Variants in HEMK2 observed in about 807,000 individuals in gnomAD.
HEMK2 encodes methyltransferase HEMK2.
chr21:28,854,764 A>G, the HEMK2 span, among the ~76,000 whole-genome samples: 90 of 152,294 alleles, frequency 5.9e-4, 3 homozygotes, highest in South Asian at 3.1e-3. Flanking sequence ...TCACACTGGC[A>G]GGTGATTAGA....
chr21:28,637,315 T>C, the HEMK2 span, among the ~76,000 whole-genome samples: 1 of 152,202 alleles, frequency 6.6e-6, no homozygotes, highest in Non-Finnish European at 1.5e-5. Context: ...CCAACCTTCA[T>C]TCCTATTGAT....
chr21:28,716,838 A>C, the HEMK2 span, among the ~76,000 whole-genome samples: 1 of 152,156 alleles, frequency 6.6e-6, no homozygotes, highest in African/African-American at 2.4e-5. Context: ...TTTATGAAAA[A>C]GCTTTTCTGT....
the HEMK2 span, among the ~76,000 whole-genome samples, chr21:28,585,712 G>A: frequency 6.6e-6 from 1 of 152,118 alleles, no homozygotes; most frequent in African/African-American, 2.4e-5. Flanking sequence ...AGACATGGAG[G>A]AAAGAGTAAG....
the HEMK2 span, among the ~76,000 whole-genome samples, chr21:28,600,349 A>G: frequency 6.6e-6 from 1 of 152,248 alleles, no homozygotes; most frequent in Admixed American, 6.5e-5. Flanking sequence ...ACCACGTGGA[A>G]GTTGCCAAGG....
At chr21:28,624,651 T>C in the HEMK2 span, among the ~76,000 whole-genome samples, 2 of 152,130 alleles carry the variant, frequency 1.3e-5, no homozygotes, top group Non-Finnish European at 2.9e-5. Flanking sequence ...ATCTAGAGAC[T>C]CTAGAGAAGG....
chr21:28,626,374 G>T, the HEMK2 span, among the ~76,000 whole-genome samples: 2 of 152,074 alleles, frequency 1.3e-5, no homozygotes, highest in South Asian at 2.1e-4. Flanking sequence ...TAACTAAGAA[G>T]TCAATAGAGC....
At chr21:28,684,200 C>T in the HEMK2 span, among the ~76,000 whole-genome samples, 1 of 152,196 alleles carries the variant, frequency 6.6e-6, no homozygotes, top group African/African-American at 2.4e-5. Flanking sequence ...CTACCGTGCA[C>T]ATAATTATTC....
chr21:28,871,156 T>G, the HEMK2 span, among the ~76,000 whole-genome samples: 1 of 152,304 alleles, frequency 6.6e-6, no homozygotes, highest in African/African-American at 2.4e-5. Flanking sequence ...AGTGTAAACC[T>G]TTATCATTCT....
the HEMK2 span, among the ~76,000 whole-genome samples, chr21:28,618,430 A>C: frequency 1.3e-5 from 2 of 152,338 alleles, no homozygotes; most frequent in South Asian, 4.1e-4. Flanking sequence ...CACATAGTTC[A>C]TAGTTTATTT....
At chr21:28,825,679 T>C in the HEMK2 span, among the ~76,000 whole-genome samples, 14 of 152,324 alleles carry the variant, frequency 9.2e-5, no homozygotes, top group South Asian at 2.1e-4. Flanking sequence ...TAAGCAATCA[T>C]TGAGGAGCAC....
the HEMK2 span, among the ~76,000 whole-genome samples, chr21:28,709,308 G>C: frequency 2.0e-5 from 3 of 152,320 alleles, no homozygotes; most frequent in Non-Finnish European, 2.9e-5. Context: ...CAAATTTAGA[G>C]TTGTTTATCA....
At chr21:28,739,422 G>T in the HEMK2 span, among the ~76,000 whole-genome samples, 10 of 152,190 alleles carry the variant, frequency 6.6e-5, no homozygotes, top group African/African-American at 2.4e-4. Context: ...AATATAATAT[G>T]GTATAGATAA....
the HEMK2 span, among the ~76,000 whole-genome samples, chr21:28,683,338 G>T: frequency 1.3e-5 from 2 of 152,134 alleles, no homozygotes; most frequent in Non-Finnish European, 2.9e-5. Context: ...AAAGCAAAAT[G>T]TATGAACGCT....
At chr21:28,815,751 G>A in the HEMK2 span, among the ~76,000 whole-genome samples, 3 of 152,046 alleles carry the variant, frequency 2.0e-5, no homozygotes, top group East Asian at 1.9e-4. Context: ...TCAAAAAATG[G>A]CACCAAGTCC....
At chr21:28,867,924 C>T in the HEMK2 span, among the ~76,000 whole-genome samples, 2 of 152,076 alleles carry the variant, frequency 1.3e-5, no homozygotes, top group African/African-American at 2.4e-5. Context: ...TAAAATTCAA[C>T]CTTTTTATTT....
At chr21:28,851,564 C>T in the HEMK2 span, among the ~76,000 whole-genome samples, 15 of 152,264 alleles carry the variant, frequency 9.9e-5, no homozygotes, top group African/African-American at 3.6e-4. Context: ...TCGACAGGCC[C>T]CACATCACTG....
At chr21:28,586,926 T>C in the HEMK2 span, among the ~76,000 whole-genome samples, 15 of 152,296 alleles carry the variant, frequency 9.8e-5, no homozygotes, top group South Asian at 6.2e-4. Flanking sequence ...AAGGTTCTAC[T>C]TTCTAATACC....
the HEMK2 span, among the ~76,000 whole-genome samples, chr21:28,880,534 C>T: frequency 6.6e-6 from 1 of 152,174 alleles, no homozygotes; most frequent in South Asian, 2.1e-4. Flanking sequence ...GAGTTCGAGA[C>T]CAGCCTCGCC....
the HEMK2 span, among the ~76,000 whole-genome samples, chr21:28,608,029 C>T: frequency 6.6e-5 from 10 of 152,114 alleles, no homozygotes; most frequent in East Asian, 1.9e-4. Context: ...ATTATGTTGA[C>T]GATATTGAGG....
Sources: gnomAD v4.1 joint callset for allele counts (sites outside exome capture counted in the v4.1 genomes callset) on GRCh38, gnomAD v4.1.1 for gene constraint, MANE v1.5 for transcripts, NCBI Gene and HGNC (gene_info 2026-07-23, HGNC 2026-07-21) for gene names.